HS3ST4: variants seen among roughly 807,000 people sequenced by gnomAD.
HS3ST4 encodes heparan sulfate-glucosamine 3-sulfotransferase 4, also known as heparan sulfate glucosamine 3-O-sulfotransferase 4.
HS3ST4 carries 17 observed loss-of-function variants against 29.2 expected under a neutral mutation model. That is an observed-to-expected ratio of 0.58 (90% CI 0.40 to 0.87). HS3ST4 has a LOEUF of 0.87. HS3ST4 is among the 40% of genes least tolerant of loss of function. The probability of loss-of-function intolerance (pLI) is 0.00; values close to 1 mark genes in which losing one functional copy is unlikely to be tolerated. For synonymous variants in HS3ST4, 314 were observed against 285.7 expected, an observed-to-expected ratio of 1.10 and a Z score of -1.00; for missense variants, 627 against 634.5, an observed-to-expected ratio of 0.99 and a Z score of 0.13.
At position 25,910,840 on chromosome 16, in the gene HS3ST4, G is replaced by A. The variant is rs1308784894; in HGVS notation, c.734+217689G>A. On this transcript the variant is annotated intron_variant, in intron 1 of 1. Coordinates refer to ENST00000331351, the MANE Select transcript of HS3ST4 (RefSeq NM_006040.3). ...TTATGGTAATGTTATTGCTAAGAAG[G>A]CACAGCAGGAGGTCAGACGGGACAG... is the stretch of plus-strand genomic sequence containing the variant. Among the ~76,000 whole-genome samples the A allele has an allele frequency of 2.0e-5, 3 of 151,994 alleles. No homozygotes were observed. The East Asian group carries it at 5.8e-4, about 29-fold the overall frequency.
chr16:25,812,535 T>G (rs1489440114), intron 1 of HS3ST4, among the ~76,000 whole-genome samples: 1 of 152,216 alleles, frequency 6.6e-6, no homozygotes, highest in Non-Finnish European at 1.5e-5. Context: ...TGACACCAAA[T>G]TCTTCTTACC....
intron 1 of HS3ST4, among the ~76,000 whole-genome samples, chr16:25,710,156 A>G (rs1281610297): frequency 3.3e-5 from 5 of 151,766 alleles, no homozygotes; most frequent in African/African-American, 1.2e-4. Flanking sequence ...AGGAAAATAA[A>G]TCAGTGTTCT....
chr16:25,951,228 G>A (rs1006268042), intron 1 of HS3ST4, among the ~76,000 whole-genome samples: 2 of 152,202 alleles, frequency 1.3e-5, no homozygotes, highest in Admixed American at 6.5e-5. Flanking sequence ...TGAATATGCA[G>A]CAGGCCAGCC....
chr16:25,917,209 T>G (rs116361308), intron 1 of HS3ST4, among the ~76,000 whole-genome samples: 3,452 of 152,158 alleles, frequency 0.023, 135 homozygotes, highest in African/African-American at 0.077. Flanking sequence ...TCTTTCTATT[T>G]TTTGTTTGTT....
intron 1 of HS3ST4, among the ~76,000 whole-genome samples, chr16:25,937,214 T>C (rs990087275): frequency 2.0e-5 from 3 of 152,192 alleles, no homozygotes; most frequent in Non-Finnish European, 4.4e-5. Flanking sequence ...GAAGAACTAA[T>C]GTAACTGTGG....
At chr16:26,037,702 G>A (rs1261644185) in intron 1 of HS3ST4, among the ~76,000 whole-genome samples, 1 of 152,160 alleles carries the variant, frequency 6.6e-6, no homozygotes, top group Non-Finnish European at 1.5e-5. Flanking sequence ...AGGTACCTAG[G>A]TATGTGGTAT....
At chr16:26,028,651 G>A (rs948014792) in intron 1 of HS3ST4, among the ~76,000 whole-genome samples, 2 of 152,112 alleles carry the variant, frequency 1.3e-5, no homozygotes, top group Non-Finnish European at 2.9e-5. Flanking sequence ...AGGGTGACGT[G>A]GCAGCAACAA....
At chr16:25,975,891 A>G (rs1490406368) in intron 1 of HS3ST4, among the ~76,000 whole-genome samples, 1 of 152,142 alleles carries the variant, frequency 6.6e-6, no homozygotes, top group African/African-American at 2.4e-5. Context: ...TTATTTACCA[A>G]TTGTTGGACC....
At chr16:26,030,730 G>C (rs944529229) in intron 1 of HS3ST4, among the ~76,000 whole-genome samples, 1 of 152,014 alleles carries the variant, frequency 6.6e-6, no homozygotes, top group African/African-American at 2.4e-5. Flanking sequence ...GCTGGAAATG[G>C]TATCATTTCA....
intron 1 of HS3ST4, among the ~76,000 whole-genome samples, chr16:25,881,404 AGTGTTTATTAGACAT>A (rs2141664204): frequency 6.6e-6 from 1 of 152,316 alleles, no homozygotes; most frequent in East Asian, 1.9e-4. Flanking sequence ...GGATTTGTTC[AGTGTTTATTAGACAT>A]GTAAAATTAA....
intron 1 of HS3ST4, among the ~76,000 whole-genome samples, chr16:25,854,940 A>C (rs1967560696): frequency 6.6e-6 from 1 of 152,212 alleles, no homozygotes; most frequent in Non-Finnish European, 1.5e-5. Context: ...GGAGGTCCTC[A>C]GAAAATGTGT....
intron 1 of HS3ST4, among the ~76,000 whole-genome samples, chr16:25,906,083 C>T (rs115490469): frequency 0.011 from 1,629 of 152,220 alleles, 26 homozygotes; most frequent in African/African-American, 0.032. Context: ...CAGCATGTTT[C>T]GTTGAGATAA....
At chr16:25,972,259 G>A (rs1393034545) in intron 1 of HS3ST4, among the ~76,000 whole-genome samples, 1 of 152,216 alleles carries the variant, frequency 6.6e-6, no homozygotes, top group Non-Finnish European at 1.5e-5. Flanking sequence ...ACAGGTGGTT[G>A]TATTACACAG....
chr16:25,920,225 T>C (rs1175750287), intron 1 of HS3ST4, among the ~76,000 whole-genome samples: 2 of 152,182 alleles, frequency 1.3e-5, no homozygotes, highest in East Asian at 3.9e-4. Flanking sequence ...AACCCTTGCC[T>C]AGATTTCAAT....
rs375796518 is a variant in HS3ST4, at chr16:26,011,676, TTG to T, written c.735-123909_735-123908del. Among the ~76,000 whole-genome samples, 643 of 133,310 alleles carry T rather than the reference TTG, an allele frequency of 4.8e-3. 2 individuals carry two copies. Among genetic ancestry groups the T allele is most frequent in the African/African-American group, 0.012 (363 of 29,996 alleles). The allele number at this position is 133,310 out of a possible 152,430, so 87.5% of individuals were successfully genotyped here. On this transcript the variant is annotated intron_variant, in intron 1 of 1. Coordinates refer to ENST00000331351, the MANE Select transcript of HS3ST4 (RefSeq NM_006040.3). ...TGACAATGTCATAACAGGTATATGTTTGTGTGTGTGTGTGTGTGTGTGTGTGT... is the reference window on the plus strand; with the variant it reads ...TGACAATGTCATAACAGGTATATGTTTGTGTGTGTGTGTGTGTGTGTGTGT...
chr16:26,054,811 G>A (rs946642114), intron 1 of HS3ST4, among the ~76,000 whole-genome samples: 1 of 151,978 alleles, frequency 6.6e-6, no homozygotes, highest in African/African-American at 2.4e-5. Flanking sequence ...ACAAAGCTGT[G>A]TGTTTAGACA....
At chr16:25,982,902 G>T (rs114004980) in intron 1 of HS3ST4, among the ~76,000 whole-genome samples, 1 of 152,132 alleles carries the variant, frequency 6.6e-6, no homozygotes, top group African/African-American at 2.4e-5. Flanking sequence ...GTCCTAGTCC[G>T]CAGTCTGAAA....
intron 1 of HS3ST4, among the ~76,000 whole-genome samples, chr16:26,127,943 T>C (rs898859078): frequency 4.6e-5 from 7 of 152,204 alleles, no homozygotes; most frequent in African/African-American, 1.4e-4. Flanking sequence ...TCTTTCATTT[T>C]TTCTCAGTAT....
intron 1 of HS3ST4, among the ~76,000 whole-genome samples, chr16:25,741,419 C>A (rs1397500469): frequency 7.2e-6 from 1 of 138,544 alleles, no homozygotes; most frequent in Admixed American, 7.4e-5. Context: ...GGCAATGGGG[C>A]CAGATTTTAG....
Sources: gnomAD v4.1 joint callset for allele counts (sites outside exome capture counted in the v4.1 genomes callset) on GRCh38, gnomAD v4.1.1 for gene constraint, MANE v1.5 for transcripts, NCBI Gene and HGNC (gene_info 2026-07-23, HGNC 2026-07-21) for gene names.